Variants in VAV3 observed in about 807,000 individuals in gnomAD.
The protein encoded by VAV3 is vav guanine nucleotide exchange factor 3.
In VAV3, 94 loss-of-function variants were observed where a neutral mutation model predicts 131.2. The ratio of observed to expected loss-of-function variants is 0.72; its 90% CI spans 0.61 to 0.85. The LOEUF (loss-of-function observed/expected upper bound fraction) is 0.85. VAV3 is among the 40% of genes least tolerant of loss of function. VAV3 has a pLI of 0.00. For missense variants in VAV3, 939 were observed against 1,002.7 expected (o/e 0.94, Z 0.86); for synonymous variants, 349 against 342.0 (o/e 1.02, Z -0.22).
chr1:107,943,236 A>G (rs1674085168), intron 1 of VAV3, among the ~76,000 whole-genome samples: 1 of 152,088 alleles, frequency 6.6e-6, no homozygotes, highest in African/African-American at 2.4e-5. Context: ...ATATAGAGTG[A>G]TGTTTTGATA....
chr1:107,639,800 GATAC>G (rs1655200772), intron 20 of VAV3, among the ~76,000 whole-genome samples: 1 of 152,062 alleles, frequency 6.6e-6, no homozygotes, highest in South Asian at 2.1e-4. Flanking sequence ...CAGGCATGGT[GATAC>G]ATGCCTGTTG....
At chr1:107,888,076 A>G (rs970940083) in intron 1 of VAV3, among the ~76,000 whole-genome samples, 6 of 152,250 alleles carry the variant, frequency 3.9e-5, no homozygotes, top group African/African-American at 1.2e-4. Flanking sequence ...TTCTACATAA[A>G]GTAAAAAGAA....
intron 15 of VAV3, among the ~76,000 whole-genome samples, chr1:107,739,606 C>G (rs2102011921): frequency 6.6e-6 from 1 of 152,262 alleles, no homozygotes; most frequent in African/African-American, 2.4e-5. Flanking sequence ...GTCATGCAAG[C>G]ATTTTAAGGA....
chr1:107,830,162 C>T (rs947446557), intron 2 of VAV3, among the ~76,000 whole-genome samples: 1 of 151,976 alleles, frequency 6.6e-6, no homozygotes, highest in Non-Finnish European at 1.5e-5. Context: ...GTTTCTCATG[C>T]ACATAAGATC....
At chr1:107,794,088 G>C (rs1666429119) in intron 2 of VAV3, among the ~76,000 whole-genome samples, 1 of 152,262 alleles carries the variant, frequency 6.6e-6, no homozygotes, top group Non-Finnish European at 1.5e-5. Flanking sequence ...TTCCAGACGG[G>C]ACCAAAGATA....
chr1:107,941,015 T>C (rs1343119871), intron 1 of VAV3, among the ~76,000 whole-genome samples: 1 of 151,292 alleles, frequency 6.6e-6, no homozygotes, highest in Non-Finnish European at 1.5e-5. Flanking sequence ...AACCCTCAAC[T>C]AGAAGAAATC....
intron 12 of VAV3, among the ~76,000 whole-genome samples, chr1:107,751,825 A>G (rs955568098): frequency 1.2e-4 from 19 of 152,224 alleles, no homozygotes; most frequent in Non-Finnish European, 1.6e-4. Flanking sequence ...GTTTATGAAC[A>G]CTTACTGTAC....
chr1:107,727,099 C>T (rs1024258110), intron 15 of VAV3, among the ~76,000 whole-genome samples: 1 of 152,232 alleles, frequency 6.6e-6, no homozygotes, highest in African/African-American at 2.4e-5. Flanking sequence ...TTAACCTCCA[C>T]ACTTCCTCTA....
intron 19 of VAV3, among the ~76,000 whole-genome samples, chr1:107,658,682 T>C (rs6583037): frequency 0.58 from 87,731 of 151,580 alleles, 26,362 homozygotes; most frequent in African/African-American, 0.75. Flanking sequence ...TTTTGATTTG[T>C]ATTTCTCTGA....
intron 2 of VAV3, among the ~76,000 whole-genome samples, chr1:107,839,676 A>G (rs1443117364): frequency 6.6e-6 from 1 of 152,176 alleles, no homozygotes; most frequent in Non-Finnish European, 1.5e-5. Context: ...ACTAAAAATT[A>G]GAGCAGGAAT....
At chr1:107,650,098 A>T (rs865882319) in intron 19 of VAV3, among the ~76,000 whole-genome samples, 2 of 152,100 alleles carry the variant, frequency 1.3e-5, no homozygotes, top group Non-Finnish European at 2.9e-5. Flanking sequence ...AAACTGAGCC[A>T]TATGCGTGAA....
Position 107,799,998 on chromosome 1 carries a change from A to G in VAV3, c.322-20506T>C, listed in dbSNP as rs1325160691. Reference sequence around the variant, plus strand: ...ACTTAACATAATGATCTCCAGTCCCATCCATGTTGCAACAAATGACAGGAT... The same window carrying G: ...ACTTAACATAATGATCTCCAGTCCCGTCCATGTTGCAACAAATGACAGGAT... On this transcript the variant is annotated intron_variant, in intron 2 of 26. Transcript: ENST00000370056. Among the ~76,000 whole-genome samples, 3 of 152,206 alleles carry G rather than the reference A, an allele frequency of 2.0e-5. No homozygotes were observed. In the East Asian group the frequency reaches 5.8e-4, roughly 29 times the overall value.
chr1:107,819,546 T>C (rs1252558900), intron 2 of VAV3, among the ~76,000 whole-genome samples: 1 of 148,938 alleles, frequency 6.7e-6, no homozygotes, highest in Non-Finnish European at 1.5e-5. Context: ...GACACAAATA[T>C]GACAAAGTGT....
rs529435454 is a variant in VAV3, at chr1:107,846,812, C to T, written c.321+28089G>A. Among the ~76,000 whole-genome samples, 355 of 152,232 alleles carry T rather than the reference C, an allele frequency of 2.3e-3. 2 individuals are homozygous for T. The highest frequency in any genetic ancestry group is 4.1e-3 in the Non-Finnish European group (278 of 68,012). On this transcript the variant is annotated intron_variant, in intron 2 of 26. Transcript: ENST00000370056. ...CTACAGAGAGACTTAGACTCCCACACAATAATAGTGGGAGACTTTAACACC... is the reference window on the plus strand; with the variant it reads ...CTACAGAGAGACTTAGACTCCCACATAATAATAGTGGGAGACTTTAACACC...
Position 107,874,999 on chromosome 1 carries a change from T to G in VAV3, c.223A>C (p.Ile75Leu). ...QMSQFLCLKN[I>L]RTFLTACCET... is the part of the protein sequence containing the mutation. ...CAACAGGCCGTGAGAAATGTCCTTA[T>G]GTTCTTCAAACAGAGAAACTGAGGA... The change falls in exon 2 of 27, where the codon ATA (isoleucine) becomes CTA (leucine). Residue 75 changes from isoleucine (I) to leucine (L), a missense_variant. Physicochemically the swap from Ile to Leu is conservative, Grantham distance 5 (BLOSUM62 2). Transcript: ENST00000370056. 1 of 1,613,192 alleles carries G rather than the reference T, an allele frequency of 6.2e-7. No individual in the cohort carries two copies. The highest frequency in any genetic ancestry group is 1.1e-5 in the South Asian group (1 of 91,054).
intron 2 of VAV3, among the ~76,000 whole-genome samples, chr1:107,829,358 T>C (rs1453246518): frequency 1.3e-5 from 2 of 152,214 alleles, no homozygotes; most frequent in Non-Finnish European, 2.9e-5. Context: ...CTCTCCTAGC[T>C]GCATTCTGTC....
chr1:107,779,468 A>T lies in VAV3; in HGVS notation c.346T>A (p.Ser116Thr). 6.3e-7 allele frequency: 1 copy of T among 1,591,964 alleles called. No homozygotes were observed. The highest frequency in any genetic ancestry group is 8.6e-7 in the Non-Finnish European group (1 of 1,168,738). ...GTGGCCAATGCTATAGGTGTTCGAG[A>T]AAGTCGTGATAATGTTTCTATAACC... ...GKVIETLSRLSRTPIALATGI... is the reference protein window; with the variant it reads ...GKVIETLSRLTRTPIALATGI... Residue 116 changes from serine to threonine, a missense_variant, in exon 3 of 27, where the codon TCT (serine) becomes ACT (threonine). Transcript: ENST00000370056.
At chr1:107,577,409 G>T (rs1434348344) in intron 25 of VAV3, among the ~76,000 whole-genome samples, 1 of 152,196 alleles carries the variant, frequency 6.6e-6, no homozygotes, top group East Asian at 1.9e-4. Flanking sequence ...AGGTGTGGTT[G>T]TATACTTTCT....
chr1:107,894,297 A>G (rs1248607960), intron 1 of VAV3, among the ~76,000 whole-genome samples: 3 of 152,192 alleles, frequency 2.0e-5, no homozygotes, highest in African/African-American at 7.2e-5. Flanking sequence ...AAGCTAGATA[A>G]AAATGCAATT....
Sources: allele counts gnomAD v4.1 joint callset (sites outside exome capture counted in the v4.1 genomes callset), GRCh38; gene constraint gnomAD v4.1.1; transcripts MANE v1.5; gene names NCBI Gene and HGNC (gene_info 2026-07-23, HGNC 2026-07-21).